FAM169A: variants seen among roughly 807,000 people sequenced by gnomAD.
FAM169A encodes the protein family with sequence similarity 169 member A.
In FAM169A, 24 loss-of-function variants were observed where a neutral mutation model predicts 75.7. The observed-to-expected ratio is 0.32, with a 90% CI of 0.23 to 0.45. The LOEUF (loss-of-function observed/expected upper bound fraction) is 0.45. Ranked by LOEUF, FAM169A falls within the 20% of genes least tolerant of loss-of-function variation. The pLI is 1.00. For synonymous variants in FAM169A, 271 were observed against 271.0 expected (o/e 1.00, Z 0.00); for missense variants, 673 against 784.0 (o/e 0.86, Z 1.69).
chr5:74,853,700 A>AT, intron 1 of FAM169A, among the ~76,000 whole-genome samples: 1 of 146,714 alleles, frequency 6.8e-6, no homozygotes, highest in South Asian at 2.2e-4. Flanking sequence ...CCATCTTCAG[A>AT]ATTTTTTTTT....
chr5:74,791,062 C>T (rs574733487), intron 11 of FAM169A, among the ~76,000 whole-genome samples: 7 of 152,274 alleles, frequency 4.6e-5, no homozygotes, highest in East Asian at 3.9e-4. Context: ...ACTCACTTTA[C>T]GGCAAAAGCA....
intron 1 of FAM169A, among the ~76,000 whole-genome samples, chr5:74,842,103 T>C (rs1748897930): frequency 2.7e-5 from 4 of 150,478 alleles, no homozygotes; most frequent in Admixed American, 1.3e-4. Context: ...TGCACAACCC[T>C]ATAAATTTCA....
chr5:74,813,973 A>C lies in FAM169A; in HGVS notation c.537T>G (p.Val179=). 2 of 1,601,808 alleles carry C rather than the reference A, an allele frequency of 1.2e-6. No individual in the cohort carries two copies. The highest frequency in any genetic ancestry group is 1.7e-6 in the Non-Finnish European group (2 of 1,176,724). The stretch of plus-strand genomic sequence containing the variant: ...TCTTTCTTAGAAACATTGTATCAAG[A>C]ACTGGCAATTGGTAACTTTGGGTAA... The part of the protein sequence containing the change: ...SFLTQSYQLP[V]LDTMFLRKKY... Residue 179 remains valine, a synonymous_variant, in exon 6 of 13, where the codon GTT becomes GTG. Coordinates refer to ENST00000687041, the MANE Select transcript of FAM169A (RefSeq NM_001376049.1).
At chr5:74,836,227 T>C (rs961417187) in intron 4 of FAM169A, among the ~76,000 whole-genome samples, 1 of 152,222 alleles carries the variant, frequency 6.6e-6, no homozygotes, top group African/African-American at 2.4e-5. Context: ...ATACGTACTG[T>C]TGTTTCAGTT....
intron 10 of FAM169A, chr5:74,799,156 A>G: frequency 9.5e-7 from 1 of 1,049,040 alleles, no homozygotes. Context: ...CAATGGACAC[A>G]TCACAGATAT....
At chr5:74,820,006 T>C (rs1305768773) in intron 5 of FAM169A, among the ~76,000 whole-genome samples, 1 of 149,890 alleles carries the variant, frequency 6.7e-6, no homozygotes, top group East Asian at 1.9e-4. Flanking sequence ...TTTTTTTTTT[T>C]TTTTTTTGAG....
At chr5:74,864,623 A>C (rs1247009321) in intron 1 of FAM169A, among the ~76,000 whole-genome samples, 1 of 152,236 alleles carries the variant, frequency 6.6e-6, no homozygotes, top group African/African-American at 2.4e-5. Flanking sequence ...CCTAAAATCC[A>C]CAGGTAAAAC....
At chr5:74,866,422 C>G, upstream of FAM169A, 1 of 960,978 alleles carries the variant, frequency 1.0e-6, no homozygotes, top group Non-Finnish European at 1.2e-6. Flanking sequence ...GCTTCCGCTC[C>G]GCGCCCGCGC....
chr5:74,826,602 C>T (rs138646231), intron 5 of FAM169A, among the ~76,000 whole-genome samples: 2,193 of 152,232 alleles, frequency 0.014, 50 homozygotes, highest in African/African-American at 0.046. Flanking sequence ...TCAATAATTA[C>T]AGAAGATGTT....
chr5:74,818,834 C>T (rs1747624139), intron 5 of FAM169A, among the ~76,000 whole-genome samples: 1 of 149,258 alleles, frequency 6.7e-6, no homozygotes, highest in African/African-American at 2.5e-5. Context: ...TGTCAAAGCA[C>T]AATTTTCAAC....
chr5:74,786,576 T>C (rs1043046569), intron 11 of FAM169A, among the ~76,000 whole-genome samples: 2 of 152,282 alleles, frequency 1.3e-5, no homozygotes, highest in South Asian at 2.1e-4. Flanking sequence ...CCTTTGACCA[T>C]ATGGAGAACC....
chr5:74,830,265 T>C (rs1748246365), intron 5 of FAM169A, among the ~76,000 whole-genome samples: 1 of 152,126 alleles, frequency 6.6e-6, no homozygotes, highest in East Asian at 1.9e-4. Flanking sequence ...CTACCTATAA[T>C]ATAGGAAAAG....
chr5:74,847,882 A>G (rs1188124370), intron 1 of FAM169A, among the ~76,000 whole-genome samples: 1 of 152,204 alleles, frequency 6.6e-6, no homozygotes, highest in Non-Finnish European at 1.5e-5. Flanking sequence ...TAAATACAAA[A>G]CAACCCTGTG....
At chr5:74,796,654 T>A (rs1746293480) in intron 10 of FAM169A, among the ~76,000 whole-genome samples, 2 of 152,206 alleles carry the variant, frequency 1.3e-5, no homozygotes, top group South Asian at 4.2e-4. Flanking sequence ...TCCGCCCATC[T>A]TGGCCTCCCA....
chr5:74,864,403 T>C (rs1750200976), intron 1 of FAM169A, among the ~76,000 whole-genome samples: 1 of 152,212 alleles, frequency 6.6e-6, no homozygotes, highest in South Asian at 2.1e-4. Flanking sequence ...GCTAATTTTG[T>C]ATTTTTAGTA....
chr5:74,841,654 A>G lies in FAM169A; in HGVS notation c.23T>C (p.Leu8Pro). The change falls in exon 2 of 13, where the codon CTG becomes CCG. Residue 8 changes from leucine (L) to proline (P), a missense_variant. Transcript: ENST00000687041. ...CAATTCCTCATGGCTGCAATTTTCC[A>G]GCATATCCACAGGGAATGCCATCCT... MAFPVDMLENCSHEELEN... is the reference protein window; with the variant it reads MAFPVDMPENCSHEELEN... 1 of 1,612,938 alleles carries G rather than the reference A, an allele frequency of 6.2e-7. No homozygotes were observed. Among genetic ancestry groups the G allele is most frequent in the Non-Finnish European group, 8.5e-7 (1 of 1,179,256 alleles).
At chr5:74,840,701 C>A (rs1299174254) in intron 2 of FAM169A, among the ~76,000 whole-genome samples, 1 of 151,386 alleles carries the variant, frequency 6.6e-6, no homozygotes, top group Non-Finnish European at 1.5e-5. Context: ...TGGTGGTGGG[C>A]GCCTGTAGTC....
chr5:74,858,557 G>A (rs576254916), intron 1 of FAM169A, among the ~76,000 whole-genome samples: 16 of 152,106 alleles, frequency 1.1e-4, no homozygotes, highest in Non-Finnish European at 2.4e-4. Flanking sequence ...ACAATGAGGG[G>A]AACAACAGAC....
At chr5:74,851,885 T>C (rs543781791) in intron 1 of FAM169A, among the ~76,000 whole-genome samples, 2 of 152,174 alleles carry the variant, frequency 1.3e-5, no homozygotes, top group African/African-American at 4.8e-5. Flanking sequence ...GGGACTTTAG[T>C]AAAGTTAACA....
Sources: gnomAD v4.1 joint callset for allele counts (sites outside exome capture counted in the v4.1 genomes callset) on GRCh38, gnomAD v4.1.1 for gene constraint, MANE v1.5 for transcripts, NCBI Gene and HGNC (gene_info 2026-07-23, HGNC 2026-07-21) for gene names.